CNTN3: variants seen among roughly 807,000 people sequenced by gnomAD.
CNTN3 encodes contactin-3.
Under a neutral mutation model 119.1 loss-of-function variants are expected in CNTN3, and 60 were observed. The observed-to-expected ratio is 0.50, with a 90% confidence interval of 0.41 to 0.62. The LOEUF is 0.62. Among genes scored for constraint, CNTN3 ranks in the 20% least tolerant of loss-of-function variants. CNTN3 has a pLI of 0.00. For synonymous variants in CNTN3, 450 were observed against 438.7 expected, an observed-to-expected ratio of 1.03 and a Z score of -0.32; for missense variants, 1,101 against 1,242.4, an observed-to-expected ratio of 0.89 and a Z score of 1.71.
At chr3:74,499,149 T>A (rs1703117096) in intron 3 of CNTN3, among the ~76,000 whole-genome samples, 1 of 151,796 alleles carries the variant, frequency 6.6e-6, no homozygotes, top group African/African-American at 2.4e-5. Context: ...AAATATAGAC[T>A]TTAACTTGAT....
At chr3:74,526,818 C>A (rs1452318793) in intron 1 of CNTN3, among the ~76,000 whole-genome samples, 3 of 151,798 alleles carry the variant, frequency 2.0e-5, no homozygotes, top group Admixed American at 6.6e-5. Flanking sequence ...TCCCTTGACC[C>A]TCAACACTTC....
chr3:74,428,533 C>T (rs1380074058), intron 4 of CNTN3, among the ~76,000 whole-genome samples: 6 of 152,106 alleles, frequency 3.9e-5, no homozygotes, highest in Non-Finnish European at 4.4e-5. Flanking sequence ...AATAAGTGTA[C>T]AAGAAAATAG....
chr3:74,445,846 T>G (rs1437669939), intron 4 of CNTN3, among the ~76,000 whole-genome samples: 2 of 152,176 alleles, frequency 1.3e-5, no homozygotes, highest in African/African-American at 4.8e-5. Flanking sequence ...TTGTCTAAAC[T>G]CAGTTTTTGG....
chr3:74,548,857 C>A (rs920820385), intron 1 of CNTN3, among the ~76,000 whole-genome samples: 4 of 152,142 alleles, frequency 2.6e-5, no homozygotes, highest in Non-Finnish European at 4.4e-5. Flanking sequence ...AATTGCTGAG[C>A]TTCCTACATT....
intron 20 of CNTN3, among the ~76,000 whole-genome samples, chr3:74,279,011 G>A (rs1389600182): frequency 6.6e-6 from 1 of 152,066 alleles, no homozygotes; most frequent in Non-Finnish European, 1.5e-5. Context: ...ATGAAAAAAT[G>A]CTCAACACCA....
At chr3:74,458,404 G>GA (rs1233809527) in intron 4 of CNTN3, among the ~76,000 whole-genome samples, 2 of 151,442 alleles carry the variant, frequency 1.3e-5, no homozygotes, top group African/African-American at 4.8e-5. Flanking sequence ...TAAGTTGCTG[G>GA]AAAAAAAATC....
chr3:74,521,747 G>A (rs1264844381), intron 1 of CNTN3, among the ~76,000 whole-genome samples: 1 of 151,832 alleles, frequency 6.6e-6, no homozygotes, highest in Non-Finnish European at 1.5e-5. Context: ...TGTTCAGTCT[G>A]AGAACCTTGC....
intron 12 of CNTN3, 50 bp downstream of exon 12, chr3:74,336,481 C>A (rs781676996): frequency 6.3e-7 from 1 of 1,583,668 alleles, no homozygotes. Context: ...CATAATAATA[C>A]ATCTTACAGT....
chr3:74,319,123 C>T (rs984442340), intron 13 of CNTN3, among the ~76,000 whole-genome samples: 5 of 152,100 alleles, frequency 3.3e-5, no homozygotes, highest in Admixed American at 1.3e-4. Flanking sequence ...GCCATCCCCA[C>T]CAAGCTACCA....
At chr3:74,402,000 G>A (rs1212153931) in intron 5 of CNTN3, among the ~76,000 whole-genome samples, 1 of 152,176 alleles carries the variant, frequency 6.6e-6, no homozygotes, top group African/African-American at 2.4e-5. Context: ...TTGTTTCTTA[G>A]ATTAGAGGGG....
intron 5 of CNTN3, among the ~76,000 whole-genome samples, chr3:74,408,386 G>A (rs1318543326): frequency 6.6e-6 from 1 of 152,166 alleles, no homozygotes; most frequent in Non-Finnish European, 1.5e-5. Flanking sequence ...CCCAGGAACA[G>A]TAACAGTGGT....
chr3:74,287,202 A>G (rs1388778728), intron 19 of CNTN3, among the ~76,000 whole-genome samples: 1 of 152,228 alleles, frequency 6.6e-6, no homozygotes, highest in Admixed American at 6.5e-5. Context: ...TTTTTCCTTC[A>G]GAATCATAAA....
chr3:74,402,288 T>C (rs559298403), intron 5 of CNTN3, among the ~76,000 whole-genome samples: 46 of 152,302 alleles, frequency 3.0e-4, no homozygotes, highest in African/African-American at 1.1e-3. Flanking sequence ...AACTATGCCA[T>C]GAATGAATGG....
intron 1 of CNTN3, among the ~76,000 whole-genome samples, chr3:74,603,022 A>T (rs555749039): frequency 6.6e-6 from 1 of 152,272 alleles, no homozygotes; most frequent in Admixed American, 6.5e-5. Flanking sequence ...TAAAACTTAA[A>T]GTACTTGCAA....
Position 74,499,704 on chromosome 3 carries a change from A to T in CNTN3, c.137T>A (p.Ile46Lys). 1 of 1,611,590 alleles carries T rather than the reference A, an allele frequency of 6.2e-7. No individual in the cohort carries two copies. The highest frequency in any genetic ancestry group is 8.5e-7 in the Non-Finnish European group (1 of 1,178,470). The change falls in exon 3 of 23, where the codon ATA (isoleucine) becomes AAA (lysine). Residue 46 changes from isoleucine to lysine, a missense_variant. Ile to Lys is a moderately radical substitution (Grantham distance 102). Transcript: ENST00000263665. Reference sequence around the variant, plus strand: ...GCCTCTTGCTTCACAATGCAAAGTTATTTTTTTATCTTCTGAACCAACAGG... The same window carrying T: ...GCCTCTTGCTTCACAATGCAAAGTTTTTTTTTTATCTTCTGAACCAACAGG... ...IFPVGSEDKK[I>K]TLHCEARGNP...
intron 11 of CNTN3, among the ~76,000 whole-genome samples, chr3:74,344,215 A>C (rs1041910913): frequency 2.6e-5 from 4 of 152,116 alleles, no homozygotes; most frequent in African/African-American, 9.7e-5. Context: ...TTCAGAAATA[A>C]TCTTCTATGT....
intron 5 of CNTN3, among the ~76,000 whole-genome samples, chr3:74,421,045 T>G (rs1701607895): frequency 6.6e-6 from 1 of 152,094 alleles, no homozygotes; most frequent in Non-Finnish European, 1.5e-5. Flanking sequence ...CACATCTTCC[T>G]CCCCATACTT....
intron 20 of CNTN3, among the ~76,000 whole-genome samples, chr3:74,276,695 C>G (rs966570648): frequency 1.3e-5 from 2 of 151,946 alleles, no homozygotes; most frequent in South Asian, 2.1e-4. Context: ...AGAGCACAAA[C>G]TGACAATCTA....
At chr3:74,472,721 GGCATACTGAGTTGTA>G (rs1390486076) in intron 4 of CNTN3, among the ~76,000 whole-genome samples, 10 of 152,144 alleles carry the variant, frequency 6.6e-5, no homozygotes, top group African/African-American at 2.4e-4. Context: ...TACTGTGAAT[GGCATACTGAGTTGTA>G]GCATTTGGCT....
Sources: allele counts gnomAD v4.1 joint callset (sites outside exome capture counted in the v4.1 genomes callset), GRCh38; gene constraint gnomAD v4.1.1; transcripts MANE v1.5; gene names NCBI Gene and HGNC (gene_info 2026-07-23, HGNC 2026-07-21).